THOC2: variants seen among roughly 807,000 people sequenced by gnomAD.
THOC2 encodes the protein THO complex subunit 2.
A neutral mutation model predicts 128.4 loss-of-function variants in THOC2; 10 were observed. That is an observed-to-expected ratio of 0.08 (90% CI 0.05 to 0.13). The LOEUF (loss-of-function observed/expected upper bound fraction) is 0.13, where lower values mean the gene tolerates loss of function less well. Among genes scored for constraint, THOC2 ranks in the 10% least tolerant of loss-of-function variants. THOC2 has a pLI of 1.00. For synonymous variants in THOC2, 393 were observed against 396.9 expected (o/e 0.99, Z 0.12); for missense variants, 535 against 1,155.7 (o/e 0.46, Z 7.79).
At chrX:123,705,544 T>G (rs1289014252) in intron 3 of THOC2, among the ~76,000 whole-genome samples, 1 of 108,805 alleles carries the variant, frequency 9.2e-6, no homozygotes, top group East Asian at 2.8e-4. Context: ...TTTTTAACGT[T>G]AAAAAAAAAG....
chrX:123,620,244 G>A lies in THOC2; in HGVS notation c.4275+663C>T, dbSNP rs758461588. 4 of 111,597 alleles carry A rather than the reference G, an allele frequency of 3.6e-5. No individual in the cohort carries two copies. The East Asian group carries it at 1.1e-3, about 31-fold the overall frequency. 9.2% of individuals were successfully genotyped at this position (111,597 alleles called of 1,213,427 possible). On this transcript the variant is annotated intron_variant, in intron 32 of 38. Coordinates refer to ENST00000245838, the MANE Select transcript of THOC2 (RefSeq NM_001081550.2). ...TTTGTGCTGCAGTTGAATGCCTGGGGTTTCTCTTTGCTGGGTGGTAGGATT... is the reference window on the plus strand; with the variant it reads ...TTTGTGCTGCAGTTGAATGCCTGGGATTTCTCTTTGCTGGGTGGTAGGATT...
chrX:123,702,567 TATAC>T (rs1420384271), intron 4 of THOC2, among the ~76,000 whole-genome samples: 1 of 105,307 alleles, frequency 9.5e-6, no homozygotes, highest in Non-Finnish European at 1.9e-5. Context: ...ACATATATAT[TATAC>T]ACATATATAT....
intron 15 of THOC2, 111 bp from the exon 16 acceptor site, chrX:123,640,733 A>T (rs905712644): frequency 2.4e-6 from 1 of 413,849 alleles, no homozygotes; most frequent in Non-Finnish European, 4.2e-6. Flanking sequence ...CCAAATATCC[A>T]AAATGGATTC....
At chrX:123,649,345 G>GA (rs1228270256) in intron 12 of THOC2, among the ~76,000 whole-genome samples, 2 of 111,464 alleles carry the variant, frequency 1.8e-5, no homozygotes, top group Non-Finnish European at 1.9e-5. Context: ...ATGAAGATGA[G>GA]AAAAAAACAG....
At chrX:123,697,796 T>G in intron 4 of THOC2, 45 bp from the exon 5 acceptor site, 3 of 531,930 alleles carry the variant, frequency 5.6e-6, no homozygotes, top group African/African-American at 2.4e-5. Context: ...TTGTCTAGAC[T>G]CCCCAGCACT....
chrX:123,636,488 G>A (rs2047676975), intron 18 of THOC2, among the ~76,000 whole-genome samples: 1 of 111,730 alleles, frequency 9.0e-6, no homozygotes, highest in Non-Finnish European at 1.9e-5. Flanking sequence ...ACAAAGTAGA[G>A]CAGTAAGTCA....
Position 123,656,521 on chromosome X carries a change from C to T in THOC2, c.1386+9121G>A, listed in dbSNP as rs75964276. On this transcript the variant is annotated intron_variant, in intron 12 of 38. Transcript: ENST00000245838. Reference sequence around the variant, plus strand: ...GCAAGGAGTTTTAGACCAGCCTAGCCAACATGGCGAAACCCCGTCTCTACT... The same window carrying T: ...GCAAGGAGTTTTAGACCAGCCTAGCTAACATGGCGAAACCCCGTCTCTACT... Among the ~76,000 whole-genome samples the T allele has an allele frequency of 2.7e-5, 3 of 110,232 alleles. No individual in the cohort carries two copies. In the Admixed American group the frequency reaches 2.9e-4, roughly 11 times the overall value.
intron 12 of THOC2, among the ~76,000 whole-genome samples, chrX:123,663,240 T>C: frequency 8.9e-6 from 1 of 111,779 alleles, no homozygotes; most frequent in East Asian, 2.8e-4. Flanking sequence ...TAATAAAATA[T>C]CACTCAGCAA....
intron 38 of THOC2, among the ~76,000 whole-genome samples, chrX:123,607,350 A>C (rs1215887234): frequency 9.0e-6 from 1 of 111,570 alleles, no homozygotes; most frequent in Non-Finnish European, 1.9e-5. Flanking sequence ...ATCATGACTT[A>C]CTGCAGCCTC....
rs774375401 is a variant in THOC2, at chrX:123,620,942, T to G, written c.4240A>C (p.Thr1414Pro). ...EREQKRRKIDTHPSPSHSSTV... is the reference protein window; with the variant it reads ...EREQKRRKIDPHPSPSHSSTV... The stretch of plus-strand genomic sequence containing the variant: ...GAGGAATGTGATGGAGAAGGGTGAG[T>G]ATCAATTTTGCGGCGTTTTTGTTCT... The change falls in exon 32 of 39, where the codon ACT (threonine) becomes CCT (proline). Residue 1414 changes from threonine to proline, a missense_variant. Thr to Pro is a conservative substitution (Grantham distance 38). Coordinates refer to ENST00000245838, the MANE Select transcript of THOC2 (RefSeq NM_001081550.2). The G allele has an allele frequency of 8.3e-7, 1 of 1,209,585 alleles. No individual in the cohort carries two copies.
At chrX:123,648,600 C>T (rs1411267736) in intron 12 of THOC2, among the ~76,000 whole-genome samples, 5 of 112,428 alleles carry the variant, frequency 4.4e-5, no homozygotes, top group Admixed American at 1.9e-4. Context: ...AGTCTGAAGT[C>T]GACCTGGGAC....
intron 38 of THOC2, among the ~76,000 whole-genome samples, chrX:123,607,444 T>TTTTATTTATTTA (rs201176690): frequency 1.2e-3 from 114 of 97,796 alleles, no homozygotes; most frequent in Middle Eastern, 5.3e-3. Context: ...CCTAGCTAAG[T>TTTTATTTATTTA]TTTATTTATT....
At chrX:123,616,517 C>G (rs2046898413) in intron 33 of THOC2, among the ~76,000 whole-genome samples, 1 of 110,953 alleles carries the variant, frequency 9.0e-6, no homozygotes, top group South Asian at 3.7e-4. Context: ...TAAAGCTTCA[C>G]TATATTATAT....
chrX:123,660,460 T>A (rs2048780662), intron 12 of THOC2, among the ~76,000 whole-genome samples: 1 of 111,945 alleles, frequency 8.9e-6, no homozygotes, highest in South Asian at 3.8e-4. Flanking sequence ...CAAAGTGTTA[T>A]ATCTTCCCAC....
At chrX:123,664,031 G>A (rs1216894598) in intron 12 of THOC2, among the ~76,000 whole-genome samples, 1 of 111,842 alleles carries the variant, frequency 8.9e-6, no homozygotes, top group Non-Finnish European at 1.9e-5. Flanking sequence ...ATGGACATTT[G>A]GGTTGGTTCC....
intron 1 of THOC2, among the ~76,000 whole-genome samples, chrX:123,719,179 C>CA (rs757081039): frequency 0.014 from 738 of 53,366 alleles, 5 homozygotes; most frequent in African/African-American, 0.046. Flanking sequence ...CTTCGTCTCC[C>CA]AAAAAAAAAA....
chrX:123,666,148 T>C, intron 11 of THOC2, among the ~76,000 whole-genome samples: 1 of 111,735 alleles, frequency 8.9e-6, no homozygotes, highest in African/African-American at 3.2e-5. Flanking sequence ...ACACACACCA[T>C]CTGAATCTGT....
At position 123,624,595 on chromosome X, in the gene THOC2, G is replaced by A; in HGVS notation, c.3132C>T (p.Cys1044=). 8.3e-7 allele frequency: 1 copy of A among 1,209,659 alleles called. No homozygotes were observed. The highest frequency in any genetic ancestry group is 1.1e-6 in the Non-Finnish European group (1 of 893,962). The change falls in exon 26 of 39, where the codon TGC becomes TGT. Residue 1044 remains cysteine (C), a synonymous_variant. Coordinates refer to ENST00000245838, the MANE Select transcript of THOC2 (RefSeq NM_001081550.2). Reference sequence around the variant, plus strand: ...ACCTGGTCACAGTCTCTAACATGCAGCAAAGAAACCTTCCGTATCGACTGG... The same window carrying A: ...ACCTGGTCACAGTCTCTAACATGCAACAAAGAAACCTTCCGTATCGACTGG... ...NEASRYGRFL[C]CMLETVTRWH... is the part of the protein sequence containing the mutation.
At chrX:123,651,731 C>A (rs56097196) in intron 12 of THOC2, among the ~76,000 whole-genome samples, 1 of 106,870 alleles carries the variant, frequency 9.4e-6, no homozygotes, top group Non-Finnish European at 1.9e-5. Context: ...ATACGCCCCC[C>A]CCCCAAGACT....
Sources: allele counts gnomAD v4.1 joint callset (sites outside exome capture counted in the v4.1 genomes callset), GRCh38; gene constraint gnomAD v4.1.1; transcripts MANE v1.5; gene names NCBI Gene and HGNC (gene_info 2026-07-23, HGNC 2026-07-21).